Variants in FMN1 observed in about 807,000 individuals in gnomAD.
FMN1 encodes formin-1.
FMN1 carries 110 observed loss-of-function variants against 132.4 expected under a neutral mutation model. That is an observed-to-expected ratio of 0.83 (90% CI 0.71 to 0.97). The LOEUF is 0.97. FMN1 is among the 50% of genes least tolerant of loss of function. FMN1 has a pLI of 0.00. For missense variants in FMN1, 1,792 were observed against 1,705.3 expected (o/e 1.05, Z -0.90); for synonymous variants, 722 against 651.7 (o/e 1.11, Z -1.64).
chr15:32,812,234 T>C (rs138815695), intron 17 of FMN1, among the ~76,000 whole-genome samples: 14 of 152,306 alleles, frequency 9.2e-5, no homozygotes, highest in Non-Finnish European at 2.1e-4. Context: ...ATGGCAGAGA[T>C]AGGGCAGTAC....
At chr15:33,186,830 G>A (rs917659962) in intron 2 of FMN1, among the ~76,000 whole-genome samples, 5 of 152,228 alleles carry the variant, frequency 3.3e-5, no homozygotes, top group Admixed American at 1.3e-4. Context: ...GAAAGCAGAG[G>A]CTTCCAGTGG....
At chr15:33,047,457 A>G (rs192859734) in intron 6 of FMN1, among the ~76,000 whole-genome samples, 2 of 152,344 alleles carry the variant, frequency 1.3e-5, no homozygotes, top group Admixed American at 1.3e-4. Flanking sequence ...TGCTATATTT[A>G]AAAGTCAGCT....
At chr15:32,965,783 T>C (rs544226220) in intron 8 of FMN1, among the ~76,000 whole-genome samples, 1 of 152,280 alleles carries the variant, frequency 6.6e-6, no homozygotes, top group South Asian at 2.1e-4. Context: ...TGTAATAGTA[T>C]GACATATGGA....
chr15:32,805,922 C>T (rs910632561), intron 17 of FMN1, among the ~76,000 whole-genome samples: 3 of 152,260 alleles, frequency 2.0e-5, no homozygotes, highest in Middle Eastern at 3.4e-3. Context: ...AATTCTGAAT[C>T]CACAGGTTAA....
At chr15:33,019,386 C>G (rs900669434) in intron 6 of FMN1, among the ~76,000 whole-genome samples, 2 of 152,224 alleles carry the variant, frequency 1.3e-5, no homozygotes, top group Admixed American at 1.3e-4. Flanking sequence ...TAAAGATTCT[C>G]CAAGACCCCA....
chr15:33,125,560 T>A (rs1962976924), intron 4 of FMN1, among the ~76,000 whole-genome samples: 1 of 151,998 alleles, frequency 6.6e-6, no homozygotes, highest in Non-Finnish European at 1.5e-5. Context: ...TCAGAATAGG[T>A]GGGGCATGGT....
intron 4 of FMN1, among the ~76,000 whole-genome samples, chr15:33,126,555 T>G (rs368908404): frequency 6.6e-6 from 1 of 151,914 alleles, no homozygotes; most frequent in African/African-American, 2.4e-5. Flanking sequence ...CTCCATAGAT[T>G]TAGCTGAAGT....
chr15:32,934,417 C>T (rs774471731), intron 9 of FMN1, among the ~76,000 whole-genome samples: 1 of 151,980 alleles, frequency 6.6e-6, no homozygotes, highest in Non-Finnish European at 1.5e-5. Flanking sequence ...TGTATATATA[C>T]CTTTATCTAC....
intron 10 of FMN1, among the ~76,000 whole-genome samples, chr15:32,920,471 C>T (rs2060794183): frequency 6.6e-6 from 1 of 152,136 alleles, no homozygotes. Flanking sequence ...ATTTGGCTTT[C>T]TTTTACAAGA....
At chr15:32,820,831 T>G (rs769461604) in intron 17 of FMN1, among the ~76,000 whole-genome samples, 9 of 152,188 alleles carry the variant, frequency 5.9e-5, no homozygotes, top group Non-Finnish European at 1.3e-4. Flanking sequence ...TTTCCCATGC[T>G]TTTGCTTGTC....
At chr15:32,835,998 T>TA (rs1308281600) in intron 17 of FMN1, among the ~76,000 whole-genome samples, 3 of 152,098 alleles carry the variant, frequency 2.0e-5, no homozygotes, top group Non-Finnish European at 4.4e-5. Context: ...TACCTGGGAC[T>TA]ACAGATGCAT....
At chr15:33,009,900 T>TG (rs2034617350) in intron 6 of FMN1, among the ~76,000 whole-genome samples, 2 of 149,622 alleles carry the variant, frequency 1.3e-5, no homozygotes, top group African/African-American at 5.0e-5. Flanking sequence ...TTTGTTTGTT[T>TG]TTTTTGAGAT....
chr15:32,895,076 T>A (rs182076675), intron 15 of FMN1, among the ~76,000 whole-genome samples: 116 of 152,310 alleles, frequency 7.6e-4, no homozygotes, highest in African/African-American at 2.5e-3. Context: ...TATTTTGCTA[T>A]CATAAGCTAT....
chr15:32,937,434 G>A (rs1164725863), intron 9 of FMN1, among the ~76,000 whole-genome samples: 1 of 152,188 alleles, frequency 6.6e-6, no homozygotes, highest in Non-Finnish European at 1.5e-5. Flanking sequence ...CTGGGGTTTA[G>A]GAGCCTCTTA....
intron 17 of FMN1, chr15:32,811,204 G>C (rs1472940532): frequency 7.4e-6 from 3 of 403,454 alleles, no homozygotes; most frequent in Non-Finnish European, 1.5e-5. Context: ...TGGTATGCTT[G>C]CCCATGGAGG....
chr15:32,928,087 C>T (rs1195924530), intron 9 of FMN1, among the ~76,000 whole-genome samples: 1 of 152,124 alleles, frequency 6.6e-6, no homozygotes, highest in Admixed American at 6.5e-5. Context: ...TCAATTATTG[C>T]CAGATATTTT....
chr15:33,115,723 T>C (rs532724305), intron 4 of FMN1, among the ~76,000 whole-genome samples: 1 of 152,304 alleles, frequency 6.6e-6, no homozygotes, highest in East Asian at 1.9e-4. Flanking sequence ...CTGCCTCTCA[T>C]ATCCCTAAAC....
chr15:32,933,387 G>C (rs2061172561), intron 9 of FMN1, among the ~76,000 whole-genome samples: 1 of 152,158 alleles, frequency 6.6e-6, no homozygotes, highest in African/African-American at 2.4e-5. Flanking sequence ...CTTGTTTTCT[G>C]ACATAACGTG....
intron 6 of FMN1, among the ~76,000 whole-genome samples, chr15:33,016,805 T>C (rs1260135754): frequency 6.6e-6 from 1 of 152,134 alleles, no homozygotes; most frequent in Non-Finnish European, 1.5e-5. Flanking sequence ...GATCTGATAG[T>C]AAAGGCTTTG....
Sources: gnomAD v4.1 joint callset for allele counts (sites outside exome capture counted in the v4.1 genomes callset) on GRCh38, gnomAD v4.1.1 for gene constraint, MANE v1.5 for transcripts, NCBI Gene and HGNC (gene_info 2026-07-23, HGNC 2026-07-21) for gene names.